CSMD1: variants seen among roughly 807,000 people sequenced by gnomAD.
CSMD1 encodes the protein CUB and sushi domain-containing protein 1.
In CSMD1, 213 loss-of-function variants were observed where a neutral mutation model predicts 417.5. That is an observed-to-expected ratio of 0.51 (90% CI 0.46 to 0.57). The LOEUF (loss-of-function observed/expected upper bound fraction) is 0.57. CSMD1 is among the 20% of genes least tolerant of loss of function. The pLI, the probability that CSMD1 is intolerant of heterozygous loss-of-function variation, is 0.00. For synonymous variants in CSMD1, 2,862 were observed against 1,736.8 expected, an observed-to-expected ratio of 1.65 and a Z score of -16.11; for missense variants, 6,923 against 4,529.7, an observed-to-expected ratio of 1.53 and a Z score of -15.17.
intron 7 of CSMD1, among the ~76,000 whole-genome samples, chr8:3,680,557 C>T (rs557078441): frequency 2.0e-5 from 3 of 152,132 alleles, no homozygotes; most frequent in African/African-American, 7.2e-5. Flanking sequence ...AGCTTACCAA[C>T]CAAAAAAAGT....
At chr8:4,237,219 A>T (rs1221368842) in intron 3 of CSMD1, among the ~76,000 whole-genome samples, 2 of 152,156 alleles carry the variant, frequency 1.3e-5, no homozygotes, top group East Asian at 1.9e-4. Context: ...CAATTGTTTA[A>T]TTTTTTCCGA....
At chr8:3,895,172 C>T (rs954309481) in intron 5 of CSMD1, among the ~76,000 whole-genome samples, 1 of 152,138 alleles carries the variant, frequency 6.6e-6, no homozygotes, top group Non-Finnish European at 1.5e-5. Context: ...AATTCAGAGA[C>T]ACCAACAAAG....
At chr8:4,466,829 A>T (rs972504762) in intron 2 of CSMD1, among the ~76,000 whole-genome samples, 1 of 152,130 alleles carries the variant, frequency 6.6e-6, no homozygotes, top group Non-Finnish European at 1.5e-5. Context: ...ATTTAAATTC[A>T]GAGAGCAGGG....
chr8:4,430,169 G>C (rs559639976), intron 2 of CSMD1, among the ~76,000 whole-genome samples: 1 of 152,140 alleles, frequency 6.6e-6, no homozygotes, highest in African/African-American at 2.4e-5. Flanking sequence ...TCTATCCTAC[G>C]TGTGCTTTCC....
intron 5 of CSMD1, among the ~76,000 whole-genome samples, chr8:3,953,540 T>A (rs551265385): frequency 6.7e-6 from 1 of 150,260 alleles, no homozygotes; most frequent in East Asian, 2.0e-4. Flanking sequence ...CTGAGTGGAG[T>A]TTTACAGCTT....
chr8:3,440,144 C>T (rs1230793786), intron 12 of CSMD1, among the ~76,000 whole-genome samples: 2 of 152,200 alleles, frequency 1.3e-5, no homozygotes, highest in East Asian at 1.9e-4. Flanking sequence ...AGTTCCTCTA[C>T]ATTTTCATAC....
intron 1 of CSMD1, among the ~76,000 whole-genome samples, chr8:4,699,766 G>C (rs1489310272): frequency 1.3e-5 from 2 of 152,344 alleles, no homozygotes; most frequent in African/African-American, 2.4e-5. Flanking sequence ...TTCATGGTTA[G>C]TTTGTCAGGA....
At chr8:3,493,028 CACACCTGTAATCCCCA>C (rs910884120) in intron 11 of CSMD1, among the ~76,000 whole-genome samples, 58 of 152,094 alleles carry the variant, frequency 3.8e-4, no homozygotes, top group African/African-American at 1.3e-3. Flanking sequence ...TGCGGTGGTT[CACACCTGTAATCCCCA>C]ACACTTTGGG....
At chr8:4,706,966 T>C (rs1472974610) in intron 1 of CSMD1, among the ~76,000 whole-genome samples, 1 of 152,188 alleles carries the variant, frequency 6.6e-6, no homozygotes, top group Non-Finnish European at 1.5e-5. Context: ...AGGTTGGGGT[T>C]AGAGTGACAG....
intron 14 of CSMD1, among the ~76,000 whole-genome samples, chr8:3,406,885 C>T (rs974107154): frequency 1.4e-4 from 21 of 152,188 alleles, no homozygotes; most frequent in African/African-American, 4.6e-4. Context: ...TTAAACTTCA[C>T]TAATTACATA....
Position 3,490,884 on chromosome 8 carries a change from T to TA in CSMD1, c.1448+2738dup, listed in dbSNP as rs558323316. Among the ~76,000 whole-genome samples the TA allele has an allele frequency of 2.5e-3, 377 of 151,606 alleles. 2 individuals carry two copies. Among genetic ancestry groups the TA allele is most frequent in the Middle Eastern group, 0.02 (6 of 294 alleles). On this transcript the variant is annotated intron_variant, in intron 11 of 69. Coordinates refer to ENST00000635120, the MANE Select transcript of CSMD1 (RefSeq NM_033225.6). ...AAATAAAAAGAAAAAAATTTTTTTT[T>TA]ACCTAGTAATTTGTCAACAAAAAAG...
chr8:3,715,528 C>G (rs545727476), intron 6 of CSMD1, among the ~76,000 whole-genome samples: 1 of 152,160 alleles, frequency 6.6e-6, no homozygotes, highest in African/African-American at 2.4e-5. Context: ...TAAGACAAAG[C>G]AAGCAACCTT....
intron 1 of CSMD1, among the ~76,000 whole-genome samples, chr8:4,785,227 C>T (rs1022489947): frequency 6.6e-6 from 1 of 152,114 alleles, no homozygotes; most frequent in Non-Finnish European, 1.5e-5. Context: ...CAGCTCATGC[C>T]TGTTAGTCTA....
intron 3 of CSMD1, among the ~76,000 whole-genome samples, chr8:4,219,996 C>T (rs1233259610): frequency 6.6e-6 from 1 of 152,080 alleles, no homozygotes; most frequent in Non-Finnish European, 1.5e-5. Context: ...GTCACCCAGG[C>T]TGGAGTGCAG....
chr8:3,730,333 G>A (rs1802770119), intron 6 of CSMD1, among the ~76,000 whole-genome samples: 1 of 149,918 alleles, frequency 6.7e-6, no homozygotes, highest in South Asian at 2.1e-4. Context: ...ACACACTGAT[G>A]CATTCTCCTC....
At chr8:3,437,590 G>T (rs1014351356) in intron 12 of CSMD1, among the ~76,000 whole-genome samples, 54 of 152,260 alleles carry the variant, frequency 3.5e-4, no homozygotes, top group African/African-American at 1.3e-3. Flanking sequence ...CTCAATGAAT[G>T]TTATTTATCC....
At chr8:4,491,218 A>C (rs1466573413) in intron 2 of CSMD1, among the ~76,000 whole-genome samples, 2 of 152,190 alleles carry the variant, frequency 1.3e-5, no homozygotes, top group Non-Finnish European at 2.9e-5. Context: ...AAATAAATAG[A>C]TACAACTTCA....
chr8:3,031,134 C>T (rs769937249), intron 50 of CSMD1, among the ~76,000 whole-genome samples: 1 of 151,882 alleles, frequency 6.6e-6, no homozygotes, highest in Non-Finnish European at 1.5e-5. Flanking sequence ...TTCTGAAAAG[C>T]CCTTAAAGGC....
chr8:3,937,899 A>G (rs1303853715), intron 5 of CSMD1, among the ~76,000 whole-genome samples: 1 of 152,202 alleles, frequency 6.6e-6, no homozygotes, highest in Admixed American at 6.6e-5. Flanking sequence ...TTTATGATTT[A>G]AAGAGTTATA....
Sources: allele counts gnomAD v4.1 joint callset (sites outside exome capture counted in the v4.1 genomes callset), GRCh38; gene constraint gnomAD v4.1.1; transcripts MANE v1.5; gene names NCBI Gene and HGNC (gene_info 2026-07-23, HGNC 2026-07-21).